The following SCUBE1 variants were observed in gnomAD, a reference collection of about 807,000 sequenced individuals.
SCUBE1 encodes the protein signal peptide, CUB domain and EGF like domain containing 1, also known as signal peptide, CUB and EGF-like domain-containing protein 1.
SCUBE1 carries 59 observed loss-of-function variants against 124.4 expected under a neutral mutation model. The observed-to-expected ratio is 0.47, with a 90% CI of 0.38 to 0.59. The LOEUF is 0.59. Among genes scored for constraint, SCUBE1 ranks in the 20% least tolerant of loss-of-function variants. The probability of loss-of-function intolerance (pLI) is 0.00; values close to 1 mark genes in which losing one functional copy is unlikely to be tolerated. For missense variants in SCUBE1, 1,150 were observed against 1,371.2 expected (o/e 0.84, Z 2.55); for synonymous variants, 545 against 550.9 (o/e 0.99, Z 0.15).
chr22:43,227,686 C>T (rs1438399110), intron 9 of SCUBE1, among the ~76,000 whole-genome samples, 190 bp from the exon 10 acceptor site: 1 of 152,148 alleles, frequency 6.6e-6, no homozygotes, highest in African/African-American at 2.4e-5. Flanking sequence ...TCCTCACAGA[C>T]CCCAGCGTCC....
intron 19 of SCUBE1, 26 bp from the exon 20 acceptor site, chr22:43,208,250 C>T: frequency 1.9e-6 from 3 of 1,612,796 alleles, no homozygotes; most frequent in Non-Finnish European, 2.5e-6. Context: ...CATTGCTGAG[C>T]TGCCACAGGT....
At chr22:43,272,521 T>C (rs1241047412) in intron 4 of SCUBE1, 1 of 152,144 alleles carries the variant, frequency 6.6e-6, no homozygotes, top group African/African-American at 2.4e-5. Context: ...GCCCCTTCAT[T>C]CCACAAATAT....
intron 2 of SCUBE1, among the ~76,000 whole-genome samples, chr22:43,325,991 C>A (rs1926715541): frequency 6.6e-6 from 1 of 150,862 alleles, no homozygotes; most frequent in African/African-American, 2.4e-5. Context: ...ATAAAATATA[C>A]ATTTACTCTG....
rs577191580 is a variant in SCUBE1 at position 43,337,917 on chromosome 22, G to T, written c.220+1187C>A. On this transcript the variant is annotated intron_variant, in intron 2 of 21. Transcript: ENST00000360835. ...GAGAAGAAAACTAGCTGCCAGAGTT[G>T]TTGAGTGGGAGTTACAAGACCTGGA... 1.5e-4 allele frequency among the ~76,000 whole-genome samples: 23 copies of T among 152,364 alleles called. No individual in the cohort carries two copies. The South Asian group carries it at 3.9e-3, about 26-fold the overall frequency.
At chr22:43,231,998 C>G in intron 7 of SCUBE1, 123 bp from the exon 8 acceptor site, 1 of 1,199,644 alleles carries the variant, frequency 8.3e-7, no homozygotes, top group South Asian at 1.4e-5. Flanking sequence ...GCCCACTTCC[C>G]AAGCTGGCTG....
intron 4 of SCUBE1, among the ~76,000 whole-genome samples, chr22:43,284,091 G>GGCCGTGGTC (rs1925034110): frequency 6.6e-6 from 1 of 152,218 alleles, no homozygotes; most frequent in Non-Finnish European, 1.5e-5. Context: ...GGAGACACAC[G>GGCCGTGGTC]GCCGTGGTCT....
At chr22:43,303,876 T>G (rs770125357) in intron 3 of SCUBE1, among the ~76,000 whole-genome samples, 1 of 152,204 alleles carries the variant, frequency 6.6e-6, no homozygotes, top group Non-Finnish European at 1.5e-5. Flanking sequence ...TTCTCCTAAA[T>G]GTAATGAGTT....
chr22:43,216,497 AC>A (rs1921816273), intron 15 of SCUBE1, among the ~76,000 whole-genome samples: 1 of 151,652 alleles, frequency 6.6e-6, no homozygotes, highest in African/African-American at 2.4e-5. Context: ...TACTAAAAAT[AC>A]AAAAATTAGC....
At chr22:43,261,614 T>C (rs1923872845) in intron 5 of SCUBE1, among the ~76,000 whole-genome samples, 1 of 152,144 alleles carries the variant, frequency 6.6e-6, no homozygotes, top group Non-Finnish European at 1.5e-5. Flanking sequence ...CACAGAAAGA[T>C]GGGTGGAAGA....
Position 43,234,864 on chromosome 22 carries a change from T to C in SCUBE1, c.845-2989A>G, listed in dbSNP as rs1922695348. Among the ~76,000 whole-genome samples, 2 of 152,158 alleles carry C rather than the reference T, an allele frequency of 1.3e-5. No homozygotes were observed. Among genetic ancestry groups the C allele is most frequent in the Admixed American group, 1.3e-4 (2 of 15,280 alleles). ...TCCAGCCCGGCCAGGCTGCTTTGCC[T>C]CCTTTCTCCAGGCTGCTTGGCTCCT... On this transcript the variant is annotated intron_variant, in intron 7 of 21. Transcript: ENST00000360835. This position sits in a 1 kb window ranked among gnomAD's most constrained non-coding sequence, Gnocchi z 4.4.
chr22:43,339,414 C>T (rs146666664), intron 1 of SCUBE1, among the ~76,000 whole-genome samples, 179 bp from the exon 2 acceptor site: 4 of 152,162 alleles, frequency 2.6e-5, no homozygotes, highest in Non-Finnish European at 4.4e-5. Flanking sequence ...GCATCTTTGG[C>T]GCAGCTACTC....
At chr22:43,316,487 A>C (rs1440166654) in intron 3 of SCUBE1, among the ~76,000 whole-genome samples, 1 of 152,230 alleles carries the variant, frequency 6.6e-6, no homozygotes, top group East Asian at 1.9e-4. Context: ...TGGGAGGATT[A>C]AATGAGATAA....
chr22:43,205,133 A>C (rs1921169127), intron 21 of SCUBE1, among the ~76,000 whole-genome samples: 1 of 151,956 alleles, frequency 6.6e-6, no homozygotes, highest in Non-Finnish European at 1.5e-5. Flanking sequence ...TCTGACTTTC[A>C]TTCTTCCCTG....
chr22:43,227,346 G>A (rs1569501405), intron 10 of SCUBE1, 28 bp downstream of exon 10: 7 of 1,598,036 alleles, frequency 4.4e-6, no homozygotes, highest in Non-Finnish European at 6.0e-6. Context: ...TGCAGGGGAG[G>A]GGCCAGCAGC....
At position 43,222,631 on chromosome 22, in the gene SCUBE1, G is replaced by GGGTT. The variant is rs545131935; in HGVS notation, c.1432+3_1432+6dup. 68 of 1,577,518 alleles carry GGGTT rather than the reference G, an allele frequency of 4.3e-5. No homozygotes were observed. The East Asian group carries it at 1.1e-3, about 27-fold the overall frequency. On this transcript the variant is annotated splice_region_variant and intron_variant, in intron 12 of 21. Coordinates refer to ENST00000360835, the MANE Select transcript of SCUBE1 (RefSeq NM_173050.5). ...GGCATGCAGCATGGACAGGCCGGGG[G>GGGTT]GGTTACCTGAGCAGCTGGGCCCGAG... is the stretch of plus-strand genomic sequence containing the variant.
chr22:43,252,849 T>C (rs1310391835), intron 6 of SCUBE1, among the ~76,000 whole-genome samples: 1 of 151,680 alleles, frequency 6.6e-6, no homozygotes, highest in Non-Finnish European at 1.5e-5. Flanking sequence ...CTCGCCTCTA[T>C]TAATACAACG....
At chr22:43,251,690 G>C (rs760182137) in intron 6 of SCUBE1, among the ~76,000 whole-genome samples, 1 of 152,216 alleles carries the variant, frequency 6.6e-6, no homozygotes, top group Non-Finnish European at 1.5e-5. Context: ...GGAGCCTCCA[G>C]AAGGAAACAG....
Position 43,210,857 on chromosome 22 carries a change from G to C in SCUBE1, c.2383+65C>G. 6.5e-4 allele frequency: 777 copies of C among 1,188,250 alleles called. No individual in the cohort carries two copies. The highest frequency in any genetic ancestry group is 8.6e-4 in the Non-Finnish European group (700 of 815,446). The allele number at this position is 1,188,250 out of a possible 1,614,324, so 73.6% of individuals were successfully genotyped here. A position where few individuals can be genotyped will look rare whatever the true frequency, so the allele number is the denominator to read the frequency against. Reference sequence around the variant, plus strand: ...CTCGTGTGAGATCAGGTCTCCTCCCGCCCCCACAACCTGCCCAGCCCCTCC... The same window carrying C: ...CTCGTGTGAGATCAGGTCTCCTCCCCCCCCCACAACCTGCCCAGCCCCTCC... On this transcript the variant is annotated intron_variant, in intron 18 of 21. Transcript: ENST00000360835. The surrounding 1 kb of genome is among the most constrained non-coding windows in gnomAD (Gnocchi z 4.5).
chr22:43,246,883 G>A (rs2146694360), intron 6 of SCUBE1, among the ~76,000 whole-genome samples: 1 of 152,186 alleles, frequency 6.6e-6, no homozygotes, highest in Middle Eastern at 3.4e-3. Context: ...ATGGGGGCGG[G>A]GCAGGGAGTA....
Sources: allele counts gnomAD v4.1 joint callset (sites outside exome capture counted in the v4.1 genomes callset), GRCh38; gene constraint gnomAD v4.1.1; non-coding constraint Gnocchi (gnomAD v3.1); transcripts MANE v1.5; gene names NCBI Gene and HGNC (gene_info 2026-07-23, HGNC 2026-07-21).